PTCHD1: variants seen among roughly 807,000 people sequenced by gnomAD.
The protein encoded by PTCHD1 is patched domain-containing protein 1.
PTCHD1 carries 3 observed loss-of-function variants against 34.6 expected under a neutral mutation model. The ratio of observed to expected loss-of-function variants is 0.09; its 90% confidence interval spans 0.04 to 0.22. PTCHD1 has a LOEUF of 0.22. Among genes scored for constraint, PTCHD1 ranks in the 10% least tolerant of loss-of-function variants. The pLI, the probability that PTCHD1 is intolerant of heterozygous loss-of-function variation, is 1.00. For synonymous variants in PTCHD1, 305 were observed against 283.1 expected, an observed-to-expected ratio of 1.08 and a Z score of -0.77; for missense variants, 504 against 685.5, an observed-to-expected ratio of 0.74 and a Z score of 2.96.
chrX:23,353,757 G>C (rs1921719982), intron 1 of PTCHD1, among the ~76,000 whole-genome samples: 1 of 112,256 alleles, frequency 8.9e-6, no homozygotes, highest in South Asian at 3.7e-4. Flanking sequence ...ATTTGGATTT[G>C]TGTTTTAGAA....
At chrX:23,346,414 T>TA (rs1247038664) in intron 1 of PTCHD1, among the ~76,000 whole-genome samples, 1 of 111,197 alleles carries the variant, frequency 9.0e-6, no homozygotes, top group Non-Finnish European at 1.9e-5. Context: ...GGTCAGTGGA[T>TA]ACAACATTAT....
chrX:23,394,196 T>C lies in PTCHD1; in HGVS notation c.*11T>C. 9.7e-6 allele frequency: 11 copies of C among 1,137,919 alleles called. No homozygotes were observed. Among genetic ancestry groups the C allele is most frequent in the Non-Finnish European group, 1.3e-5 (11 of 830,278 alleles). The allele number at this position is 1,137,919 out of a possible 1,213,427, so 93.8% of individuals were successfully genotyped here. ...ATTACAACAGTGTGATAATGTCTGC[T>C]TGGCATATTTTCACCTTAGGTCTTA... On this transcript the variant is annotated 3_prime_UTR_variant, in exon 3 of 3. Transcript: ENST00000379361.
Position 23,394,302 on chromosome X carries a change from CAAAA to C in PTCHD1, c.*136_*139del, listed in dbSNP as rs765690048. ...TTTAAAGATAGGAAACAGGCATTGC[CAAAA>C]AAAAAAAAAAAAAAAAAAGGAAAGG... On this transcript the variant is annotated 3_prime_UTR_variant, in exon 3 of 3. Transcript: ENST00000379361. 2.0e-3 allele frequency: 104 copies of C among 52,063 alleles called. No individual in the cohort carries two copies. The highest frequency in any genetic ancestry group is 2.1e-3 in the Non-Finnish European group (64 of 30,274). 4.3% of individuals were successfully genotyped at this position (52,063 alleles called of 1,213,427 possible).
chrX:23,379,543 A>G lies in PTCHD1; in HGVS notation c.352-48A>G, dbSNP rs370501728. ...AATGTCCACCCTCTCCAAAAAATAA[A>G]AATAGAAATATTTGATTAATAAATG... is the stretch of plus-strand genomic sequence containing the variant. On this transcript the variant is annotated intron_variant, in intron 1 of 2. Coordinates refer to ENST00000379361, the MANE Select transcript of PTCHD1 (RefSeq NM_173495.3). 1.0e-5 allele frequency: 12 copies of G among 1,175,618 alleles called. No homozygotes were observed. In the African/African-American group the frequency reaches 2.0e-4, roughly 19 times the overall value.
chrX:23,394,301 C>CAA lies in PTCHD1; in HGVS notation c.*116_*117insAA, dbSNP rs1922916092. ...TTTTAAAGATAGGAAACAGGCATTG[C>CAA]CAAAAAAAAAAAAAAAAAAAAAAGG... On this transcript the variant is annotated 3_prime_UTR_variant, in exon 3 of 3. Transcript: ENST00000379361. The CAA allele has an allele frequency of 7.1e-5, 8 of 113,340 alleles. No homozygotes were observed. Among genetic ancestry groups the CAA allele is most frequent in the East Asian group, 3.3e-4 (2 of 6,102 alleles). 9.3% of individuals were successfully genotyped at this position (113,340 alleles called of 1,213,427 possible).
intron 1 of PTCHD1, among the ~76,000 whole-genome samples, chrX:23,342,265 CCTATATATATATATATATATATATATAT>C (rs1339417694): frequency 0.052 from 2,979 of 57,464 alleles, 109 homozygotes; most frequent in African/African-American, 0.11. Context: ...TGTGTTTCTC[CCTATATATATATATATATATATATATAT>C]ATATATATAT....
intron 2 of PTCHD1, among the ~76,000 whole-genome samples, chrX:23,386,692 G>C (rs946366070): frequency 8.9e-6 from 1 of 112,653 alleles, no homozygotes. Flanking sequence ...GCTTTTCTAA[G>C]AATAAAATAG....
intron 2 of PTCHD1, among the ~76,000 whole-genome samples, chrX:23,390,340 A>AC (rs1569142404): frequency 1.8e-5 from 2 of 109,346 alleles, no homozygotes; most frequent in African/African-American, 6.8e-5. Context: ...AAAAAAAAAA[A>AC]AAAAACAAAA....
chrX:23,342,298 ATATATATATATATTTTTTT>A lies in PTCHD1; in HGVS notation c.351+7074_351+7092del, dbSNP rs1226651768. Among the ~76,000 whole-genome samples the A allele has an allele frequency of 6.1e-4, 5 of 8,209 alleles. No individual in the cohort carries two copies. The African/African-American group carries it at 8.8e-3, about 15-fold the overall frequency. 7.1% of individuals were successfully genotyped at this position (8,209 alleles called of 115,157 possible). On this transcript the variant is annotated intron_variant, in intron 1 of 2. Coordinates refer to ENST00000379361, the MANE Select transcript of PTCHD1 (RefSeq NM_173495.3). Reference sequence around the variant, plus strand: ...TATATATATATATATATATATATATATATATATATATATTTTTTTTTTTTTTTTTTTTTTAAAAGAATTG... The same window carrying A: ...TATATATATATATATATATATATATATTTTTTTTTTTTTTTAAAAGAATTG...
chrX:23,370,107 G>A (rs73205364), intron 1 of PTCHD1, among the ~76,000 whole-genome samples: 334 of 112,269 alleles, frequency 3.0e-3, no homozygotes, highest in Non-Finnish European at 4.9e-3. Flanking sequence ...TTCAGAGACT[G>A]TACAGAGCAA....
chrX:23,388,629 A>C (rs1455454788), intron 2 of PTCHD1, among the ~76,000 whole-genome samples: 1 of 111,425 alleles, frequency 9.0e-6, no homozygotes, highest in Non-Finnish European at 1.9e-5. Flanking sequence ...TCAAGAGTTC[A>C]AGACCAGCCT....
In PTCHD1 at chrX:23,393,808, A is replaced by G. The variant is rs1922899853; in HGVS notation, c.2290A>G (p.Thr764Ala). ...ATGCTTAATTTATGGAATTAATTAC[A>G]CAATTGACAATTGTGCTCCAATGTT... ...VLCLIYGINY[T>A]IDNCAPMLST... Residue 764 changes from threonine (T) to alanine (A), a missense_variant, in exon 3 of 3, where the codon ACA becomes GCA. By Grantham distance (58) the Thr-to-Ala change is moderately conservative. Coordinates refer to ENST00000379361, the MANE Select transcript of PTCHD1 (RefSeq NM_173495.3). The G allele has an allele frequency of 8.3e-7, 1 of 1,209,198 alleles. No individual in the cohort carries two copies. Among genetic ancestry groups the G allele is most frequent in the African/African-American group, 1.7e-5 (1 of 57,236 alleles).
At chrX:23,359,849 T>C (rs960174174) in intron 1 of PTCHD1, among the ~76,000 whole-genome samples, 1 of 112,225 alleles carries the variant, frequency 8.9e-6, no homozygotes, top group Non-Finnish European at 1.9e-5. Context: ...TTGAGAGTTT[T>C]TAGCAAGAAG....
At chrX:23,362,084 T>G (rs1229720238) in intron 1 of PTCHD1, among the ~76,000 whole-genome samples, 1 of 112,223 alleles carries the variant, frequency 8.9e-6, no homozygotes, top group Non-Finnish European at 1.9e-5. Context: ...CCCTTAACAT[T>G]TTTTCCTTCA....
At chrX:23,359,750 G>A (rs1431140377) in intron 1 of PTCHD1, among the ~76,000 whole-genome samples, 1 of 111,859 alleles carries the variant, frequency 8.9e-6, no homozygotes, top group Non-Finnish European at 1.9e-5. Flanking sequence ...AATACTTCTA[G>A]TTTTTGCCCA....
intron 1 of PTCHD1, among the ~76,000 whole-genome samples, chrX:23,370,501 T>G (rs897466057): frequency 8.9e-6 from 1 of 112,115 alleles, no homozygotes; most frequent in Non-Finnish European, 1.9e-5. Flanking sequence ...CAGAGAAGAA[T>G]TATTGTCAGG....
intron 1 of PTCHD1, among the ~76,000 whole-genome samples, chrX:23,355,032 G>C (rs1295247228): frequency 3.8e-5 from 4 of 105,135 alleles, no homozygotes; most frequent in Non-Finnish European, 7.8e-5. Context: ...GGCTTTTTTG[G>C]GGGGAGGGGG....
At chrX:23,337,920 T>C (rs910022313) in intron 1 of PTCHD1, among the ~76,000 whole-genome samples, 1 of 109,936 alleles carries the variant, frequency 9.1e-6, no homozygotes, top group South Asian at 3.9e-4. Context: ...CACTATTTGC[T>C]GACAAAAAAA....
intron 1 of PTCHD1, among the ~76,000 whole-genome samples, chrX:23,341,688 C>G (rs912075037): frequency 9.0e-6 from 1 of 111,364 alleles, no homozygotes; most frequent in African/African-American, 3.3e-5. Flanking sequence ...GGTGAGTAAT[C>G]GCTAACCTTT....
Sources: allele counts gnomAD v4.1 joint callset (sites outside exome capture counted in the v4.1 genomes callset), GRCh38; gene constraint gnomAD v4.1.1; transcripts MANE v1.5; gene names NCBI Gene and HGNC (gene_info 2026-07-23, HGNC 2026-07-21).